CDH13: variants seen among roughly 807,000 people sequenced by gnomAD.
CDH13 encodes the protein cadherin 13, also known as cadherin-13.
Under a neutral mutation model 63.8 loss-of-function variants are expected in CDH13, and 24 were observed. The ratio of observed to expected loss-of-function variants is 0.38; its 90% CI spans 0.27 to 0.53. CDH13 has a LOEUF of 0.53. Among genes scored for constraint, CDH13 ranks in the 20% least tolerant of loss-of-function variants. The pLI is 0.85. For synonymous variants in CDH13, 503 were observed against 355.3 expected, an observed-to-expected ratio of 1.42 and a Z score of -4.67; for missense variants, 1,049 against 903.1, an observed-to-expected ratio of 1.16 and a Z score of -2.07.
At chr16:83,014,908 A>G (rs1007423885) in intron 2 of CDH13, among the ~76,000 whole-genome samples, 1 of 146,204 alleles carries the variant, frequency 6.8e-6, no homozygotes, top group Admixed American at 6.9e-5. Context: ...GTATATTTAC[A>G]TTTACTACTA....
At chr16:83,780,320 T>A in intron 12 of CDH13, 119 bp downstream of exon 12, 1 of 662,220 alleles carries the variant, frequency 1.5e-6, no homozygotes, top group South Asian at 2.1e-5. Context: ...TTTTAAGTTA[T>A]TGGCATATTA....
rs150704776 is a variant in CDH13, at chr16:83,025,147, A to C, written c.158-6863A>C. Among the ~76,000 whole-genome samples, 12 of 152,352 alleles carry C rather than the reference A, an allele frequency of 7.9e-5. No homozygotes were observed. The East Asian group carries it at 2.3e-3, about 29-fold the overall frequency. On this transcript the variant is annotated intron_variant, in intron 2 of 13. Coordinates refer to ENST00000567109, the MANE Select transcript of CDH13 (RefSeq NM_001257.5). ...GATCATTCTCATTCATGGAGCAACA[A>C]GCTCTGTCCTAAGTGCTTTCTGTGT...
intron 10 of CDH13, among the ~76,000 whole-genome samples, chr16:83,704,836 T>A (rs10514594): frequency 6.6e-6 from 1 of 152,126 alleles, no homozygotes. Context: ...AGGAAAATAG[T>A]TTCAGCATGA....
intron 9 of CDH13, among the ~76,000 whole-genome samples, chr16:83,675,738 C>T (rs944408662): frequency 3.9e-5 from 6 of 152,050 alleles, no homozygotes; most frequent in Non-Finnish European, 8.8e-5. Flanking sequence ...TGCATCAGGG[C>T]CAGGACTTGA....
chr16:83,609,877 A>G (rs999730652), intron 8 of CDH13, among the ~76,000 whole-genome samples: 1 of 152,138 alleles, frequency 6.6e-6, no homozygotes, highest in Non-Finnish European at 1.5e-5. Flanking sequence ...GTTACTCCCC[A>G]TTGCCCATTC....
intron 6 of CDH13, among the ~76,000 whole-genome samples, chr16:83,359,635 G>A (rs534245377): frequency 2.2e-4 from 33 of 152,226 alleles, no homozygotes; most frequent in African/African-American, 7.2e-4. Flanking sequence ...GGGCACATTC[G>A]AAATGATTCA....
intron 1 of CDH13, among the ~76,000 whole-genome samples, chr16:82,660,881 GC>G (rs1278260196): frequency 1.3e-5 from 2 of 152,016 alleles, no homozygotes; most frequent in Non-Finnish European, 2.9e-5. Context: ...GATGTAAAGA[GC>G]CTTTTGAAGT....
chr16:82,734,769 G>T (rs1481437572), intron 1 of CDH13, among the ~76,000 whole-genome samples: 3 of 152,316 alleles, frequency 2.0e-5, no homozygotes, highest in Admixed American at 1.3e-4. Context: ...TTATACTCCA[G>T]TGTTGATCGG....
At chr16:83,628,988 G>T (rs1269226117) in intron 8 of CDH13, among the ~76,000 whole-genome samples, 5 of 152,190 alleles carry the variant, frequency 3.3e-5, no homozygotes, top group African/African-American at 1.2e-4. Flanking sequence ...AAGGAACCCA[G>T]TGCCCTTTGT....
intron 2 of CDH13, chr16:82,859,844 C>A (rs1467927437): frequency 1.3e-5 from 2 of 152,132 alleles, no homozygotes; most frequent in Non-Finnish European, 1.5e-5. Context: ...ATCAAGGGAG[C>A]TGTCCAAGGT....
chr16:83,062,167 T>C (rs1477965698), intron 3 of CDH13, among the ~76,000 whole-genome samples: 1 of 152,208 alleles, frequency 6.6e-6, no homozygotes, highest in Non-Finnish European at 1.5e-5. Context: ...ATGTCAAAGA[T>C]CTTTCTCATT....
intron 7 of CDH13, among the ~76,000 whole-genome samples, chr16:83,566,070 C>A (rs556330526): frequency 6.6e-6 from 1 of 152,300 alleles, no homozygotes; most frequent in South Asian, 2.1e-4. Context: ...TCATCCGTCT[C>A]TTGACTTGGA....
chr16:83,361,110 A>G (rs765292366), intron 6 of CDH13, among the ~76,000 whole-genome samples: 7 of 152,100 alleles, frequency 4.6e-5, no homozygotes, highest in Middle Eastern at 3.4e-3. Flanking sequence ...TTGCTTTTTG[A>G]CTTTTTAAAA....
chr16:83,451,854 T>C (rs1418933763), intron 6 of CDH13, among the ~76,000 whole-genome samples: 3 of 152,198 alleles, frequency 2.0e-5, no homozygotes, highest in Non-Finnish European at 4.4e-5. Context: ...CTTCCTCCTA[T>C]TTTTTCTTTT....
chr16:83,743,754 T>TC (rs1912287611), intron 10 of CDH13, among the ~76,000 whole-genome samples: 1 of 124,010 alleles, frequency 8.1e-6, no homozygotes, highest in African/African-American at 3.4e-5. Flanking sequence ...TTTTCTTTTT[T>TC]TTTTTTTTTT....
rs1054298141 is a variant in CDH13 at position 83,279,504 on chromosome 16, C to T, written c.636+62007C>T. 4.9e-4 allele frequency among the ~76,000 whole-genome samples: 74 copies of T among 152,130 alleles called. 1 individual carries two copies. The highest frequency in any genetic ancestry group is 4.5e-3 in the Admixed American group (69 of 15,266). The stretch of plus-strand genomic sequence containing the variant: ...TCATTCAAACGCTGCACATATCTGC[C>T]GCATTCTGGAAACCGCTGCTAAAAA... On this transcript the variant is annotated intron_variant, in intron 5 of 13. Transcript: ENST00000567109.
intron 1 of CDH13, among the ~76,000 whole-genome samples, chr16:82,771,247 G>A (rs2151096925): frequency 6.6e-6 from 1 of 152,224 alleles, no homozygotes; most frequent in Non-Finnish European, 1.5e-5. Flanking sequence ...TTTTTACAAT[G>A]ATAAATAATA....
chr16:83,229,928 G>A (rs2039955542), intron 5 of CDH13, among the ~76,000 whole-genome samples: 1 of 152,144 alleles, frequency 6.6e-6, no homozygotes. Flanking sequence ...TTAAATGATG[G>A]CTTAGCATGT....
chr16:83,150,723 C>G, intron 4 of CDH13, among the ~76,000 whole-genome samples: 1 of 152,158 alleles, frequency 6.6e-6, no homozygotes, highest in East Asian at 1.9e-4. Context: ...AGGAATTAGA[C>G]AAAAGTTCCC....
Sources: gnomAD v4.1 joint callset for allele counts (sites outside exome capture counted in the v4.1 genomes callset) on GRCh38, gnomAD v4.1.1 for gene constraint, MANE v1.5 for transcripts, NCBI Gene and HGNC (gene_info 2026-07-23, HGNC 2026-07-21) for gene names.